The following EFNA5 variants were observed in gnomAD, a reference collection of about 807,000 sequenced individuals.
EFNA5 encodes ephrin-A5.
A neutral mutation model predicts 22.9 loss-of-function variants in EFNA5; 5 were observed. The observed-to-expected ratio is 0.22, with a 90% CI of 0.11 to 0.46. The LOEUF (loss-of-function observed/expected upper bound fraction) is 0.46. Among genes scored for constraint, EFNA5 ranks in the 20% least tolerant of loss-of-function variants. The pLI, the probability that EFNA5 is intolerant of heterozygous loss-of-function variation, is 0.99. For missense variants in EFNA5, 237 were observed against 293.3 expected, an observed-to-expected ratio of 0.81 and a Z score of 1.40; for synonymous variants, 113 against 112.2, an observed-to-expected ratio of 1.01 and a Z score of -0.04.
intron 1 of EFNA5, among the ~76,000 whole-genome samples, chr5:107,553,936 T>A (rs1420915312): frequency 1.3e-5 from 2 of 152,226 alleles, no homozygotes; most frequent in African/African-American, 4.8e-5. Context: ...CTTCCACACA[T>A]CATTATATTT....
At chr5:107,430,958 T>C (rs1748940188) in intron 1 of EFNA5, among the ~76,000 whole-genome samples, 1 of 152,012 alleles carries the variant, frequency 6.6e-6, no homozygotes. Context: ...GTATTTTTAG[T>C]AGAGACAGGG....
intron 1 of EFNA5, among the ~76,000 whole-genome samples, chr5:107,545,140 CT>C (rs956381970): frequency 4.6e-5 from 7 of 152,206 alleles, no homozygotes; most frequent in African/African-American, 1.7e-4. Context: ...CACATCGAAC[CT>C]TTACTTGCCT....
At chr5:107,403,902 T>C (rs1313106636) in intron 2 of EFNA5, among the ~76,000 whole-genome samples, 1 of 152,166 alleles carries the variant, frequency 6.6e-6, no homozygotes, top group Non-Finnish European at 1.5e-5. Context: ...GGAACAACAA[T>C]CAAGCATGAG....
chr5:107,397,913 T>C (rs1267006119), intron 2 of EFNA5, among the ~76,000 whole-genome samples: 1 of 152,216 alleles, frequency 6.6e-6, no homozygotes, highest in African/African-American at 2.4e-5. Context: ...TTACTCTGAT[T>C]GTCTCTGAGA....
chr5:107,625,740 A>G (rs1259946338), intron 1 of EFNA5, among the ~76,000 whole-genome samples: 1 of 152,216 alleles, frequency 6.6e-6, no homozygotes, highest in African/African-American at 2.4e-5. Context: ...GACACTTTCC[A>G]TAATTCAAAC....
chr5:107,622,848 C>T (rs557226462), intron 1 of EFNA5, among the ~76,000 whole-genome samples: 2 of 151,252 alleles, frequency 1.3e-5, no homozygotes, highest in South Asian at 4.2e-4. Context: ...GGTGAAACCC[C>T]GTCTCTACTA....
In EFNA5 at chr5:107,394,666, C is replaced by G. The variant is rs554363859; in HGVS notation, c.419-6895G>C. Among the ~76,000 whole-genome samples, 6 of 152,270 alleles carry G rather than the reference C, an allele frequency of 3.9e-5. No individual in the cohort carries two copies. The East Asian group carries it at 7.7e-4, about 20-fold the overall frequency. On this transcript the variant is annotated intron_variant, in intron 2 of 4. Transcript: ENST00000333274. Reference sequence around the variant, plus strand: ...TGCCTTCCCTCCTATCTCTCTGCCCCCTTAAGGCAAAGTTCTCACTGCTAA... The same window carrying G: ...TGCCTTCCCTCCTATCTCTCTGCCCGCTTAAGGCAAAGTTCTCACTGCTAA...
chr5:107,444,781 A>C (rs1035016359), intron 1 of EFNA5, among the ~76,000 whole-genome samples: 1 of 152,138 alleles, frequency 6.6e-6, no homozygotes, highest in Non-Finnish European at 1.5e-5. Context: ...AAAACTGGCA[A>C]AAGGACACAG....
At chr5:107,494,976 T>C (rs1393221623) in intron 1 of EFNA5, among the ~76,000 whole-genome samples, 1 of 152,044 alleles carries the variant, frequency 6.6e-6, no homozygotes, top group Non-Finnish European at 1.5e-5. Context: ...AACCTTTGTG[T>C]CTAGCTCAGG....
At chr5:107,643,453 G>A (rs576606389) in intron 1 of EFNA5, among the ~76,000 whole-genome samples, 1 of 152,230 alleles carries the variant, frequency 6.6e-6, no homozygotes. Context: ...TGGACACCCT[G>A]CTTCAGTGAT....
intron 1 of EFNA5, among the ~76,000 whole-genome samples, chr5:107,646,393 T>G (rs969352291): frequency 2.0e-5 from 3 of 152,162 alleles, no homozygotes; most frequent in Non-Finnish European, 4.4e-5. Context: ...CTTAAAGGCA[T>G]TATCATTCTC....
In EFNA5 at chr5:107,427,554, G is replaced by A. The variant is rs780705232; in HGVS notation, c.126-45C>T. ...AAATGTGATAATTCATAGAGAAAGGGCTTTCTGCTTGGAATCAGTGGTTAA... is the reference window on the plus strand; with the variant it reads ...AAATGTGATAATTCATAGAGAAAGGACTTTCTGCTTGGAATCAGTGGTTAA... On this transcript the variant is annotated intron_variant, in intron 1 of 4. Coordinates refer to ENST00000333274, the MANE Select transcript of EFNA5 (RefSeq NM_001962.3). The A allele has an allele frequency of 2.6e-6, 4 of 1,518,504 alleles. No homozygotes were observed. The Admixed American group carries it at 6.2e-5, about 24-fold the overall frequency. 94.1% of individuals were successfully genotyped at this position (1,518,504 alleles called of 1,614,324 possible).
chr5:107,497,979 G>T (rs528744342), intron 1 of EFNA5, among the ~76,000 whole-genome samples: 1 of 152,132 alleles, frequency 6.6e-6, no homozygotes, highest in Non-Finnish European at 1.5e-5. Flanking sequence ...GCAGTGGCGC[G>T]ATCTCGGCTT....
At chr5:107,505,837 C>G (rs1334984264) in intron 1 of EFNA5, among the ~76,000 whole-genome samples, 1 of 151,914 alleles carries the variant, frequency 6.6e-6, no homozygotes, top group Non-Finnish European at 1.5e-5. Context: ...TCTCTCCCCC[C>G]CACCTTCTCT....
At chr5:107,459,718 T>C (rs755228757) in intron 1 of EFNA5, among the ~76,000 whole-genome samples, 8 of 152,152 alleles carry the variant, frequency 5.3e-5, no homozygotes, top group Non-Finnish European at 1.0e-4. Flanking sequence ...AATTGAGTTG[T>C]CACGCAATGG....
intron 1 of EFNA5, among the ~76,000 whole-genome samples, chr5:107,598,288 C>T (rs984788733): frequency 6.6e-6 from 1 of 152,084 alleles, no homozygotes; most frequent in Non-Finnish European, 1.5e-5. Flanking sequence ...TGCAGTCCTG[C>T]CCTGAGTCCT....
chr5:107,516,098 G>A (rs189940648), intron 1 of EFNA5, among the ~76,000 whole-genome samples: 41 of 152,040 alleles, frequency 2.7e-4, no homozygotes, highest in African/African-American at 8.7e-4. Context: ...TCAAGTAACC[G>A]GGCTCAAGTG....
At chr5:107,509,345 G>A (rs1747317032) in intron 1 of EFNA5, among the ~76,000 whole-genome samples, 1 of 150,438 alleles carries the variant, frequency 6.6e-6, no homozygotes, top group African/African-American at 2.5e-5. Context: ...CTGAGGTGGA[G>A]TCTCACCCTG....
At chr5:107,659,024 T>C (rs1296565932) in intron 1 of EFNA5, among the ~76,000 whole-genome samples, 1 of 152,180 alleles carries the variant, frequency 6.6e-6, no homozygotes, top group Non-Finnish European at 1.5e-5. Context: ...TTTTATACTC[T>C]GTAATATAAT....
Sources: allele counts gnomAD v4.1 joint callset (sites outside exome capture counted in the v4.1 genomes callset), GRCh38; gene constraint gnomAD v4.1.1; transcripts MANE v1.5; gene names NCBI Gene and HGNC (gene_info 2026-07-23, HGNC 2026-07-21).